The following COL4A6 variants were observed in gnomAD, a reference collection of about 807,000 sequenced individuals.
COL4A6 encodes collagen type IV alpha 6 chain.
Under a neutral mutation model 126.7 loss-of-function variants are expected in COL4A6, and 59 were observed. That is an observed-to-expected ratio of 0.47 (90% CI 0.38 to 0.58). COL4A6 has a LOEUF of 0.58. COL4A6 is among the 20% of genes least tolerant of loss of function. The pLI is 0.00. For synonymous variants in COL4A6, 547 were observed against 496.6 expected, an observed-to-expected ratio of 1.10 and a Z score of -1.35; for missense variants, 1,285 against 1,337.3, an observed-to-expected ratio of 0.96 and a Z score of 0.61.
chrX:108,265,771 C>T (rs989581920), intron 3 of COL4A6, among the ~76,000 whole-genome samples: 6 of 110,026 alleles, frequency 5.5e-5, no homozygotes, highest in Non-Finnish European at 1.1e-4. Flanking sequence ...GATAATGGCA[C>T]GGGATGAAGT....
intron 2 of COL4A6, among the ~76,000 whole-genome samples, chrX:108,323,722 T>C (rs1201706782): frequency 8.9e-6 from 1 of 112,263 alleles, no homozygotes; most frequent in Non-Finnish European, 1.9e-5. Context: ...AATTCACACA[T>C]CCTTTCTTAA....
intron 2 of COL4A6, among the ~76,000 whole-genome samples, chrX:108,366,577 G>C (rs1240546869): frequency 4.5e-5 from 5 of 111,936 alleles, no homozygotes; most frequent in Non-Finnish European, 7.5e-5. Context: ...CATTCTCACT[G>C]TATGTTAAAG....
At chrX:108,356,326 A>T (rs1039596697) in intron 2 of COL4A6, among the ~76,000 whole-genome samples, 1 of 110,489 alleles carries the variant, frequency 9.1e-6, no homozygotes, top group Non-Finnish European at 1.9e-5. Flanking sequence ...AACTTAAAGT[A>T]TAATAATAAT....
At chrX:108,309,801 AACACACACACACACACACACAC>A (rs4036315) in intron 3 of COL4A6, among the ~76,000 whole-genome samples, 3 of 80,885 alleles carry the variant, frequency 3.7e-5, no homozygotes, top group Non-Finnish European at 7.2e-5. Context: ...TAATCCTGGA[AACACACACACACACACACACAC>A]ACACACACAC....
chrX:108,419,591 G>A (rs185407350), intron 2 of COL4A6, among the ~76,000 whole-genome samples: 1 of 111,821 alleles, frequency 8.9e-6, no homozygotes, highest in Non-Finnish European at 1.9e-5. Context: ...AATAGGACGT[G>A]GCATAATAAA....
At chrX:108,169,126 T>A (rs771719819) in intron 37 of COL4A6, among the ~76,000 whole-genome samples, 1 of 111,199 alleles carries the variant, frequency 9.0e-6, no homozygotes, top group Non-Finnish European at 1.9e-5. Context: ...GGGAGTGCCA[T>A]CCACACTGGA....
chrX:108,192,390 G>A (rs1430610469), intron 18 of COL4A6, 83 bp downstream of exon 18: 6 of 682,589 alleles, frequency 8.8e-6, no homozygotes, highest in African/African-American at 8.6e-5. Flanking sequence ...TGTGTGCCCC[G>A]ACCCAGAGGT....
chrX:108,252,890 G>A (rs1214529559), intron 3 of COL4A6, among the ~76,000 whole-genome samples: 1 of 111,689 alleles, frequency 9.0e-6, no homozygotes, highest in Non-Finnish European at 1.9e-5. Context: ...TTAATAGAAT[G>A]ATGGACAAAA....
At chrX:108,187,608 T>C (rs964927402) in intron 22 of COL4A6, among the ~76,000 whole-genome samples, 2 of 112,050 alleles carry the variant, frequency 1.8e-5, no homozygotes, top group Non-Finnish European at 3.8e-5. Flanking sequence ...TGAAGTATTT[T>C]TAAGTCATAT....
At chrX:108,329,604 A>G (rs1156959410) in intron 2 of COL4A6, among the ~76,000 whole-genome samples, 2 of 111,555 alleles carry the variant, frequency 1.8e-5, no homozygotes, top group Non-Finnish European at 3.8e-5. Flanking sequence ...ATACAGATGA[A>G]ATGAGATTAT....
intron 3 of COL4A6, among the ~76,000 whole-genome samples, chrX:108,262,700 G>T (rs1415928342): frequency 9.0e-6 from 1 of 111,097 alleles, no homozygotes; most frequent in Admixed American, 9.6e-5. Context: ...CTAAGAGAAA[G>T]AAATTATATC....
chrX:108,191,252 C>T, intron 19 of COL4A6, 141 bp downstream of exon 19: 1 of 730,129 alleles, frequency 1.4e-6, no homozygotes, highest in Non-Finnish European at 2.0e-6. Context: ...ACGACGGGGC[C>T]TTCATGGCTG....
intron 2 of COL4A6, among the ~76,000 whole-genome samples, chrX:108,366,388 C>T (rs2040198533): frequency 8.9e-6 from 1 of 112,186 alleles, no homozygotes; most frequent in Non-Finnish European, 1.9e-5. Context: ...CCCCTTTAAA[C>T]CAGAGGGTCC....
chrX:108,333,925 T>A (rs2039370193), intron 2 of COL4A6, among the ~76,000 whole-genome samples: 3 of 111,639 alleles, frequency 2.7e-5, no homozygotes, highest in African/African-American at 9.7e-5. Context: ...AAACAACCCA[T>A]GCTCATGGAT....
At chrX:108,386,564 G>T (rs771173061) in intron 2 of COL4A6, among the ~76,000 whole-genome samples, 361 of 109,691 alleles carry the variant, frequency 3.3e-3, no homozygotes, top group African/African-American at 0.011. Context: ...GTTTTGATGG[G>T]TTTTTTTTTC....
chrX:108,166,645 A>C (rs1161364293), intron 37 of COL4A6, among the ~76,000 whole-genome samples: 2 of 112,037 alleles, frequency 1.8e-5, no homozygotes, highest in Non-Finnish European at 3.8e-5. Flanking sequence ...ATTTAGACAA[A>C]GAAAAAATAA....
At chrX:108,181,452 G>A (rs2034684089) in intron 23 of COL4A6, among the ~76,000 whole-genome samples, 1 of 112,010 alleles carries the variant, frequency 8.9e-6, no homozygotes, top group Non-Finnish European at 1.9e-5. Flanking sequence ...CTTGGAATGA[G>A]GTTTTCCCCA....
chrX:108,409,296 C>T lies in COL4A6; in HGVS notation c.63+28646G>A, dbSNP rs139140749. ...CAAACTGTTCACCCTAAGCTGTAGC[C>T]AATAGAGGTTCCCAGAGACCTTTCA... On this transcript the variant is annotated intron_variant, in intron 2 of 44. Transcript: ENST00000334504. Among the ~76,000 whole-genome samples the T allele has an allele frequency of 5.4e-5, 6 of 111,641 alleles. No individual in the cohort carries two copies. In the East Asian group the frequency reaches 1.4e-3, roughly 26 times the overall value.
At chrX:108,177,465 C>A (rs189921311) in intron 27 of COL4A6, among the ~76,000 whole-genome samples, 75 of 111,487 alleles carry the variant, frequency 6.7e-4, no homozygotes, top group Non-Finnish European at 2.4e-4. Context: ...TCCCAGGGAG[C>A]CTTGGATACA....
Sources: allele counts gnomAD v4.1 joint callset (sites outside exome capture counted in the v4.1 genomes callset), GRCh38; gene constraint gnomAD v4.1.1; transcripts MANE v1.5; gene names NCBI Gene and HGNC (gene_info 2026-07-23, HGNC 2026-07-21).